CLASP1: variants seen among roughly 807,000 people sequenced by gnomAD.
The protein encoded by CLASP1 is CLIP-associating protein 1.
A neutral mutation model predicts 192.3 loss-of-function variants in CLASP1; 38 were observed. The observed-to-expected ratio is 0.20, with a 90% CI of 0.15 to 0.26. The LOEUF (loss-of-function observed/expected upper bound fraction) is 0.26, where lower values mean the gene tolerates loss of function less well. CLASP1 is among the 10% of genes least tolerant of loss of function. The probability of loss-of-function intolerance (pLI) is 1.00; values close to 1 mark genes in which losing one functional copy is unlikely to be tolerated. For synonymous variants in CLASP1, 691 were observed against 712.8 expected (o/e 0.97, Z 0.49); for missense variants, 1,433 against 1,932.5 (o/e 0.74, Z 4.85).
chr2:121,438,646 A>G (rs2082728213), intron 19 of CLASP1, among the ~76,000 whole-genome samples: 1 of 152,132 alleles, frequency 6.6e-6, no homozygotes, highest in Admixed American at 6.5e-5. Flanking sequence ...TGATTTGCGT[A>G]TATTGAACCA....
Position 121,646,439 on chromosome 2 carries a change from T to C in CLASP1, c.-286+2933A>G, listed in dbSNP as rs1216249411. On this transcript the variant is annotated intron_variant, in intron 1 of 39. Coordinates refer to ENST00000263710, the Ensembl canonical transcript of CLASP1. ...CTTGTTTTCTAGGAAATCTGTAAAATGTTCTGTTTTTAAACATTTAAGTTT... is the reference window on the plus strand; with the variant it reads ...CTTGTTTTCTAGGAAATCTGTAAAACGTTCTGTTTTTAAACATTTAAGTTT... 3.9e-5 allele frequency among the ~76,000 whole-genome samples: 6 copies of C among 152,324 alleles called. No individual in the cohort carries two copies. The East Asian group carries it at 9.6e-4, about 24-fold the overall frequency.
rs192943073 is a variant in CLASP1 at position 121,411,939 on chromosome 2, T to C, written c.2321-970A>G. ...TTGGAAGAAAAATGTTAAGATAAAA[T>C]ATTTTCTCTGTGTTAACAAATAAGA... On this transcript the variant is annotated intron_variant, in intron 23 of 39. Transcript: ENST00000263710. 1.6e-3 allele frequency among the ~76,000 whole-genome samples: 238 copies of C among 152,330 alleles called. 1 individual carries two copies. The highest frequency in any genetic ancestry group is 2.7e-3 in the South Asian group (13 of 4,832).
At chr2:121,567,817 G>T (rs779979390) in intron 2 of CLASP1, among the ~76,000 whole-genome samples, 1 of 152,186 alleles carries the variant, frequency 6.6e-6, no homozygotes, top group Non-Finnish European at 1.5e-5. Context: ...GGAAAGAAAA[G>T]AAATACCTTT....
intron 2 of CLASP1, among the ~76,000 whole-genome samples, chr2:121,555,211 C>T (rs2058433550): frequency 6.6e-6 from 1 of 152,200 alleles, no homozygotes; most frequent in African/African-American, 2.4e-5. Flanking sequence ...TGTGCTCTCG[C>T]ATGCTCCCGT....
intron 6 of CLASP1, among the ~76,000 whole-genome samples, chr2:121,517,669 A>C (rs2094337534): frequency 6.6e-6 from 1 of 151,900 alleles, no homozygotes; most frequent in Non-Finnish European, 1.5e-5. Context: ...AGCCTGGGCA[A>C]CAAAGTGAGC....
chr2:121,482,969 A>G (rs2150093127), intron 8 of CLASP1, among the ~76,000 whole-genome samples: 1 of 152,304 alleles, frequency 6.6e-6, no homozygotes, highest in Non-Finnish European at 1.5e-5. Flanking sequence ...CCCACTTGCT[A>G]GGTTCGCAGA....
chr2:121,633,833 C>T (rs1252804547), intron 1 of CLASP1, among the ~76,000 whole-genome samples: 3 of 151,782 alleles, frequency 2.0e-5, no homozygotes, highest in African/African-American at 4.8e-5. Flanking sequence ...AGTGAAACCC[C>T]GTCTCTACTA....
intron 8 of CLASP1, among the ~76,000 whole-genome samples, chr2:121,500,787 C>G (rs537885383): frequency 6.6e-6 from 1 of 152,206 alleles, no homozygotes; most frequent in Non-Finnish European, 1.5e-5. Flanking sequence ...TAATACTACA[C>G]ATACAAAGCA....
chr2:121,412,307 G>A (rs1574488313), intron 23 of CLASP1, among the ~76,000 whole-genome samples: 1 of 152,090 alleles, frequency 6.6e-6, no homozygotes, highest in East Asian at 1.9e-4. Flanking sequence ...GCATTTGCTG[G>A]TCTTTCCAAC....
intron 2 of CLASP1, among the ~76,000 whole-genome samples, chr2:121,576,028 G>A (rs981393247): frequency 2.8e-4 from 42 of 152,114 alleles, no homozygotes; most frequent in African/African-American, 9.4e-4. Context: ...ATAATAGCAA[G>A]GTATTACACA....
chr2:121,627,468 A>G (rs1044553991), intron 1 of CLASP1, among the ~76,000 whole-genome samples: 1 of 152,230 alleles, frequency 6.6e-6, no homozygotes, highest in East Asian at 1.9e-4. Context: ...TCCACCAAGT[A>G]TATCAAGACG....
At chr2:121,578,996 G>A (rs1289997071) in intron 2 of CLASP1, among the ~76,000 whole-genome samples, 1 of 152,062 alleles carries the variant, frequency 6.6e-6, no homozygotes, top group Non-Finnish European at 1.5e-5. Context: ...ATATACATTT[G>A]TTTCATTTTA....
At chr2:121,448,235 C>T (rs2084745688) in intron 18 of CLASP1, 41 bp downstream of exon 18, 10 of 1,574,766 alleles carry the variant, frequency 6.4e-6, no homozygotes, top group Non-Finnish European at 8.7e-6. Flanking sequence ...TACAGCCCAC[C>T]AGAGCGGAGA....
chr2:121,410,730 C>T, intron 24 of CLASP1, 136 bp downstream of exon 25: 1 of 562,516 alleles, frequency 1.8e-6, no homozygotes, highest in Non-Finnish European at 3.1e-6. Context: ...TATAAATTTA[C>T]CCAACATTAA....
chr2:121,503,372 G>T, intron 7 of CLASP1, 138 bp from the exon 8 acceptor site: 1 of 594,980 alleles, frequency 1.7e-6, no homozygotes. Flanking sequence ...ACAAAACAGT[G>T]ACTCAATCAA....
At chr2:121,369,740 A>G (rs28698830) in intron 34 of CLASP1, among the ~76,000 whole-genome samples, 1 of 152,120 alleles carries the variant, frequency 6.6e-6, no homozygotes, top group Non-Finnish European at 1.5e-5. Flanking sequence ...CACTACCTCT[A>G]CTTGTGTTTT....
At chr2:121,578,214 C>T (rs1033190577) in intron 2 of CLASP1, among the ~76,000 whole-genome samples, 20 of 151,856 alleles carry the variant, frequency 1.3e-4, no homozygotes, top group Non-Finnish European at 2.4e-4. Flanking sequence ...ATTACACAGG[C>T]ATGAGCCACC....
At chr2:121,620,390 G>A (rs1254119849) in intron 1 of CLASP1, among the ~76,000 whole-genome samples, 4 of 151,736 alleles carry the variant, frequency 2.6e-5, no homozygotes, top group Non-Finnish European at 5.9e-5. Context: ...TCGTTCTGTT[G>A]CCAGGCTGGA....
chr2:121,469,827 G>C, exon 9 of CLASP1: 1 of 1,613,026 alleles, frequency 6.2e-7, no homozygotes, highest in Non-Finnish European at 8.5e-7. Context: ...TGGATCCAAG[G>C]GTGGATGAAC....
Sources: allele counts gnomAD v4.1 joint callset (sites outside exome capture counted in the v4.1 genomes callset), GRCh38; gene constraint gnomAD v4.1.1; transcripts MANE v1.5; gene names NCBI Gene and HGNC (gene_info 2026-07-23, HGNC 2026-07-21).